GNAI1: variants seen among roughly 807,000 people sequenced by gnomAD.
The protein encoded by GNAI1 is guanine nucleotide-binding protein G(i) subunit alpha-1.
GNAI1 carries 11 observed loss-of-function variants against 38.9 expected under a neutral mutation model. The observed-to-expected ratio is 0.28, with a 90% CI of 0.18 to 0.47. The LOEUF (loss-of-function observed/expected upper bound fraction) is 0.47. Ranked by LOEUF, GNAI1 falls within the 20% of genes least tolerant of loss-of-function variation. GNAI1 has a pLI of 0.99. For missense variants in GNAI1, 317 were observed against 436.9 expected (o/e 0.73, Z 2.45); for synonymous variants, 166 against 145.1 (o/e 1.14, Z -1.04).
At chr7:80,143,924 G>A (rs568000881) in intron 1 of GNAI1, among the ~76,000 whole-genome samples, 90 of 50,652 alleles carry the variant, frequency 1.8e-3, no homozygotes, top group East Asian at 9.9e-3. Context: ...GTGTGTGTGC[G>A]CGCGTGTGTG....
chr7:80,148,558 TTA>T (rs1787669342), intron 1 of GNAI1, among the ~76,000 whole-genome samples: 1 of 151,786 alleles, frequency 6.6e-6, no homozygotes, highest in African/African-American at 2.4e-5. Flanking sequence ...ACTTAGAAAA[TTA>T]GAGCATCTGA....
intron 1 of GNAI1, among the ~76,000 whole-genome samples, chr7:80,143,218 T>C (rs1196631360): frequency 6.6e-6 from 1 of 152,178 alleles, no homozygotes; most frequent in Non-Finnish European, 1.5e-5. Flanking sequence ...ATTTACAGTC[T>C]ACTTGGGGAA....
intron 1 of GNAI1, among the ~76,000 whole-genome samples, chr7:80,155,278 A>G (rs1271732068): frequency 1.3e-5 from 2 of 152,178 alleles, no homozygotes; most frequent in African/African-American, 2.4e-5. Context: ...TGGTTTTTGG[A>G]TATTTTAATC....
chr7:80,150,727 TAAAC>T (rs1787709721), intron 1 of GNAI1, among the ~76,000 whole-genome samples: 1 of 152,234 alleles, frequency 6.6e-6, no homozygotes, highest in South Asian at 2.1e-4. Flanking sequence ...ATTTCGTAAA[TAAAC>T]AGAACTTTTG....
chr7:80,209,152 CAT>C (rs1202649828), intron 5 of GNAI1, among the ~76,000 whole-genome samples: 2 of 152,202 alleles, frequency 1.3e-5, no homozygotes, highest in Non-Finnish European at 2.9e-5. Context: ...CTACCTCCTA[CAT>C]ATTACCCAAT....
chr7:80,212,723 T>C lies in GNAI1; in HGVS notation c.728T>C (p.Met243Thr). The C allele has an allele frequency of 2.6e-6, 4 of 1,528,784 alleles. No homozygotes were observed. Among genetic ancestry groups the C allele is most frequent in the South Asian group, 2.7e-5 (2 of 74,730 alleles). 94.7% of individuals were successfully genotyped at this position (1,528,784 alleles called of 1,614,324 possible). A position where few individuals can be genotyped will look rare whatever the true frequency, so the allele number is the denominator to read the frequency against. ...TATTTTTTTCTATTACAGAACCGAA[T>C]GCATGAAAGCATGAAATTGTTTGAC... ...VLAEDEEMNR[M>T]HESMKLFDSI... Residue 243 changes from methionine (M) to threonine (T), a missense_variant, in exon 7 of 8, where the codon ATG becomes ACG. Physicochemically the swap from Met to Thr is moderately conservative, Grantham distance 81 (BLOSUM62 -1). Transcript: ENST00000649796.
chr7:80,135,654 C>CCA (rs199627120), intron 1 of GNAI1: 1 of 159,640 alleles, frequency 6.3e-6, no homozygotes, highest in East Asian at 1.5e-4. Flanking sequence ...AAACACCCCC[C>CCA]CCCCCGCGCC....
chr7:80,190,429 G>A lies in GNAI1; in HGVS notation c.303+1198G>A, dbSNP rs148400623. Among the ~76,000 whole-genome samples, 1,191 of 151,958 alleles carry A rather than the reference G, an allele frequency of 7.8e-3. 15 individuals are homozygous for A. Among genetic ancestry groups the A allele is most frequent in the African/African-American group, 0.027 (1,132 of 41,466 alleles). On this transcript the variant is annotated intron_variant, in intron 3 of 7. Coordinates refer to ENST00000649796, the MANE Select transcript of GNAI1 (RefSeq NM_002069.6). ...TCAGCAAACTTTTTGAGCTCAAAAA[G>A]CATTTGTTGAATGAATAAATGATAA...
intron 3 of GNAI1, 28 bp from the exon 4 acceptor site, chr7:80,199,197 A>G: frequency 6.5e-7 from 1 of 1,541,222 alleles, no homozygotes; most frequent in Non-Finnish European, 8.8e-7. Context: ...ATCCCTTTTT[A>G]CTTAAAAAAT....
intron 7 of GNAI1, 112 bp downstream of exon 7, chr7:80,212,981 A>G: frequency 1.4e-6 from 1 of 718,634 alleles, no homozygotes; most frequent in Non-Finnish European, 2.3e-6. Context: ...TGATTCTTAG[A>G]CCTTTAAGGG....
At chr7:80,171,287 AT>A (rs1788094269) in intron 1 of GNAI1, among the ~76,000 whole-genome samples, 1 of 148,728 alleles carries the variant, frequency 6.7e-6, no homozygotes, top group Non-Finnish European at 1.5e-5. Flanking sequence ...TTTCCTCAAG[AT>A]TTTTTTCTAT....
At chr7:80,195,261 A>G (rs546750319) in intron 3 of GNAI1, among the ~76,000 whole-genome samples, 24 of 152,024 alleles carry the variant, frequency 1.6e-4, no homozygotes, top group Middle Eastern at 3.4e-3. Flanking sequence ...TGAAACTCAT[A>G]CTTCATGCTA....
intron 1 of GNAI1, among the ~76,000 whole-genome samples, chr7:80,163,081 A>T (rs956709605): frequency 4.0e-5 from 6 of 148,994 alleles, no homozygotes; most frequent in Non-Finnish European, 7.5e-5. Context: ...GGAGGCTGAC[A>T]CCCCTGGGTT....
chr7:80,135,333 G>A (rs1787390755), intron 1 of GNAI1, 55 bp downstream of exon 1: 1 of 1,075,610 alleles, frequency 9.3e-7, no homozygotes, highest in East Asian at 3.2e-5. Flanking sequence ...GTGCGGCGCT[G>A]CGCGGCCCTC....
At chr7:80,178,947 C>CT (rs1788243603) in intron 1 of GNAI1, among the ~76,000 whole-genome samples, 1 of 152,158 alleles carries the variant, frequency 6.6e-6, no homozygotes, top group East Asian at 1.9e-4. Flanking sequence ...ATGATCCACC[C>CT]TTTTCTAACT....
In GNAI1 at chr7:80,220,308, T is replaced by A. The variant is rs1789049469; in HGVS notation, c.*2815T>A. On this transcript the variant is annotated 3_prime_UTR_variant, in exon 8 of 8. Transcript: ENST00000649796. ...TGTTCATTTGTGTCTGTCAATGTTA[T>A]TTTTATTAGCACTTTTAAAATGGTG... Among the ~76,000 whole-genome samples the A allele has an allele frequency of 1.3e-5, 2 of 152,338 alleles. No individual in the cohort carries two copies. Among genetic ancestry groups the A allele is most frequent in the Admixed American group, 1.3e-4 (2 of 15,302 alleles).
rs1788434297 is a variant in GNAI1, at chr7:80,188,974, A to G, written c.142A>G (p.Thr48Ala). 2 of 1,607,920 alleles carry G rather than the reference A, an allele frequency of 1.2e-6. No individual in the cohort carries two copies. Among genetic ancestry groups the G allele is most frequent in the Non-Finnish European group, 8.5e-7 (1 of 1,175,762 alleles). Residue 48 changes from threonine (T) to alanine (A), a missense_variant, in exon 2 of 8, where the codon ACA becomes GCA. Thr to Ala is a moderately conservative substitution (Grantham distance 58, BLOSUM62 0). Transcript: ENST00000649796. ...LLGAGESGKS[T>A]IVKQMKIIHE... ...AGGTGCTGGTGAATCTGGTAAAAGT[A>G]CAATTGTGAAGCAGATGAAGTAAGT... is the stretch of plus-strand genomic sequence containing the variant.
chr7:80,217,238 A>AGTTTCATAGGTATGAAACTGAC, intron 7 of GNAI1, 65 bp from the exon 8 acceptor site: 1 of 323,774 alleles, frequency 3.1e-6, no homozygotes, highest in East Asian at 1.4e-4. Flanking sequence ...ATGAAACTGA[A>AGTTTCATAGGTATGAAACTGAC]TTCAGTATTT....
chr7:80,200,422 A>G (rs1018091928), intron 4 of GNAI1, among the ~76,000 whole-genome samples: 3 of 150,572 alleles, frequency 2.0e-5, no homozygotes, highest in African/African-American at 7.3e-5. Flanking sequence ...ATAATTTGCC[A>G]CACATACTCA....
Sources: gnomAD v4.1 joint callset for allele counts (sites outside exome capture counted in the v4.1 genomes callset) on GRCh38, gnomAD v4.1.1 for gene constraint, MANE v1.5 for transcripts, NCBI Gene and HGNC (gene_info 2026-07-23, HGNC 2026-07-21) for gene names.